The following FOXJ3 variants were observed in gnomAD, a reference collection of about 807,000 sequenced individuals.
FOXJ3 encodes forkhead box protein J3.
Under a neutral mutation model 76.1 loss-of-function variants are expected in FOXJ3, and 22 were observed. The observed-to-expected ratio is 0.29, with a 90% CI of 0.21 to 0.41. FOXJ3 has a LOEUF of 0.41. Ranked by LOEUF, FOXJ3 falls within the 10% of genes least tolerant of loss-of-function variation. The pLI, the probability that FOXJ3 is intolerant of heterozygous loss-of-function variation, is 1.00. For synonymous variants in FOXJ3, 269 were observed against 261.2 expected, an observed-to-expected ratio of 1.03 and a Z score of -0.29; for missense variants, 613 against 762.1, an observed-to-expected ratio of 0.80 and a Z score of 2.30.
chr1:42,181,958 T>C lies in FOXJ3; in HGVS notation c.1712A>G (p.His571Arg), dbSNP rs1257840411. Residue 571 changes from histidine (H) to arginine (R), a missense_variant, in exon 12 of 13, where the codon CAT becomes CGT. Coordinates refer to ENST00000361346, the MANE Select transcript of FOXJ3 (RefSeq NM_014947.5). ...PSVMPPPGYP[H>R]IPQALSTPGT... is the part of the protein sequence containing the mutation. ...TGGAGTGCTGAGTGCCTGTGGGATA[T>C]GAGGATAACCAGGGGGTGGCATCAC... 1.2e-6 allele frequency: 2 copies of C among 1,613,638 alleles called. No individual in the cohort carries two copies. Among genetic ancestry groups the C allele is most frequent in the Non-Finnish European group, 1.7e-6 (2 of 1,179,710 alleles).
At chr1:42,254,217 C>T (rs1650374147) in intron 4 of FOXJ3, among the ~76,000 whole-genome samples, 1 of 150,790 alleles carries the variant, frequency 6.6e-6, no homozygotes, top group Admixed American at 6.6e-5. Context: ...TGAAAAAATG[C>T]TCATCATCAC....
chr1:42,300,583 T>C (rs1165547215), intron 2 of FOXJ3, among the ~76,000 whole-genome samples: 1 of 152,010 alleles, frequency 6.6e-6, no homozygotes, highest in African/African-American at 2.4e-5. Context: ...TAAGACCAGT[T>C]TGAGCAACAC....
chr1:42,199,624 A>T lies in FOXJ3; in HGVS notation c.631-394T>A, dbSNP rs566912529. 2.1e-4 allele frequency among the ~76,000 whole-genome samples: 14 copies of T among 66,928 alleles called. No homozygotes were observed. The South Asian group carries it at 6.0e-3, about 29-fold the overall frequency. 43.9% of individuals were successfully genotyped at this position (66,928 alleles called of 152,430 possible). On this transcript the variant is annotated intron_variant, in intron 6 of 12. Transcript: ENST00000361346. ...TTTTAGAAATCAAAACGAAGCACAT[A>T]AAAAAAAAAAGATTTTTTTTTTAAA...
chr1:42,325,160 T>C (rs1655753569), intron 1 of FOXJ3, among the ~76,000 whole-genome samples: 2 of 152,176 alleles, frequency 1.3e-5, no homozygotes, highest in Non-Finnish European at 2.9e-5. Flanking sequence ...CCTGGAAGAA[T>C]CGATACAATG....
intron 4 of FOXJ3, among the ~76,000 whole-genome samples, chr1:42,240,438 C>T (rs543858900): frequency 2.6e-5 from 4 of 152,290 alleles, no homozygotes; most frequent in African/African-American, 9.6e-5. Flanking sequence ...TTGGAGGATT[C>T]ACATTCTCAG....
intron 5 of FOXJ3, among the ~76,000 whole-genome samples, chr1:42,226,171 A>T (rs1019932817): frequency 2.0e-5 from 3 of 152,178 alleles, no homozygotes; most frequent in Non-Finnish European, 4.4e-5. Context: ...ATGTCCATGC[A>T]TTAAGCCTAC....
intron 1 of FOXJ3, among the ~76,000 whole-genome samples, chr1:42,327,100 T>C (rs1480376788): frequency 6.6e-6 from 1 of 152,222 alleles, no homozygotes; most frequent in Non-Finnish European, 1.5e-5. Flanking sequence ...TGAAAAAATA[T>C]TATTCAAATG....
rs572215958 is a variant in FOXJ3 at position 42,231,933 on chromosome 1, T to C, written c.445-3967A>G. On this transcript the variant is annotated intron_variant, in intron 4 of 12. Transcript: ENST00000361346. ...ATTTAACATTAGGTATATCTCCTAA[T>C]GCTATCCTTCCCCCCTACCCCCACC... 2.4e-3 allele frequency among the ~76,000 whole-genome samples: 364 copies of C among 152,344 alleles called. 1 individual carries two copies. Among genetic ancestry groups the C allele is most frequent in the Non-Finnish European group, 3.9e-3 (262 of 68,040 alleles).
intron 11 of FOXJ3, among the ~76,000 whole-genome samples, chr1:42,185,297 G>A (rs1371734025): frequency 1.6e-5 from 2 of 126,992 alleles, no homozygotes; most frequent in East Asian, 2.3e-4. Flanking sequence ...TCGCTCTGTC[G>A]CCCAGGCTGG....
chr1:42,281,421 G>A (rs1052647950), intron 2 of FOXJ3, among the ~76,000 whole-genome samples: 20 of 152,010 alleles, frequency 1.3e-4, no homozygotes, highest in Admixed American at 1.1e-3. Context: ...TGACTTAGCT[G>A]AAGAACTTCA....
intron 2 of FOXJ3, among the ~76,000 whole-genome samples, chr1:42,287,769 T>C (rs560532907): frequency 6.6e-6 from 1 of 152,102 alleles, no homozygotes; most frequent in South Asian, 2.1e-4. Context: ...AAGATCAGCA[T>C]GGGCAACATG....
intron 4 of FOXJ3, 74 bp from the exon 5 acceptor site, chr1:42,228,040 T>C (rs956462663): frequency 6.9e-6 from 5 of 720,468 alleles, no homozygotes; most frequent in Non-Finnish European, 1.1e-5. Flanking sequence ...TTATAATCCT[T>C]TGCATCAAAA....
intron 4 of FOXJ3, among the ~76,000 whole-genome samples, chr1:42,250,798 C>CAAAAAA (rs61431089): frequency 3.0e-4 from 7 of 23,724 alleles, no homozygotes; most frequent in Non-Finnish European, 4.2e-4. Context: ...AACTCCATCT[C>CAAAAAA]AAAAAAAAAA....
chr1:42,208,362 G>A (rs1174491898), intron 5 of FOXJ3, among the ~76,000 whole-genome samples: 1 of 152,166 alleles, frequency 6.6e-6, no homozygotes, highest in East Asian at 1.9e-4. Context: ...ATTTATCCCT[G>A]GGATGTAAGG....
intron 5 of FOXJ3, among the ~76,000 whole-genome samples, chr1:42,217,569 C>A (rs1569905476): frequency 6.6e-6 from 1 of 152,050 alleles, no homozygotes; most frequent in South Asian, 2.1e-4. Context: ...AAACAAAATA[C>A]TCCGGATTAA....
At chr1:42,239,505 T>G (rs1240325666) in intron 4 of FOXJ3, among the ~76,000 whole-genome samples, 1 of 152,130 alleles carries the variant, frequency 6.6e-6, no homozygotes, top group Non-Finnish European at 1.5e-5. Context: ...ACTTGATGAG[T>G]TACTTAAATC....
chr1:42,207,029 C>T (rs1308372054), intron 5 of FOXJ3, among the ~76,000 whole-genome samples: 2 of 152,096 alleles, frequency 1.3e-5, no homozygotes, highest in Non-Finnish European at 2.9e-5. Context: ...CAGGGTTCAC[C>T]ATGTTGGCCA....
rs114083958 is a variant in FOXJ3, at chr1:42,296,777, T to G, written c.44+14273A>C. On this transcript the variant is annotated intron_variant, in intron 2 of 12. Coordinates refer to ENST00000361346, the MANE Select transcript of FOXJ3 (RefSeq NM_014947.5). Reference sequence around the variant, plus strand: ...ATTTGTTCCTTTTGCTTAGGATCGCTCTGGCTGAGTGCTTTTTTGATTCCA... The same window carrying G: ...ATTTGTTCCTTTTGCTTAGGATCGCGCTGGCTGAGTGCTTTTTTGATTCCA... Among the ~76,000 whole-genome samples, 349 of 152,348 alleles carry G rather than the reference T, an allele frequency of 2.3e-3. 1 individual carries two copies. Among genetic ancestry groups the G allele is most frequent in the African/African-American group, 8.1e-3 (338 of 41,582 alleles).
intron 4 of FOXJ3, among the ~76,000 whole-genome samples, chr1:42,239,087 T>C (rs978829922): frequency 5.3e-5 from 8 of 152,206 alleles, no homozygotes; most frequent in African/African-American, 1.2e-4. Flanking sequence ...AAGCATTCCT[T>C]CCTAGTACAG....
Sources: allele counts gnomAD v4.1 joint callset (sites outside exome capture counted in the v4.1 genomes callset), GRCh38; gene constraint gnomAD v4.1.1; transcripts MANE v1.5; gene names NCBI Gene and HGNC (gene_info 2026-07-23, HGNC 2026-07-21).